Variants in COL11A1 observed in about 807,000 individuals in gnomAD.
The protein encoded by COL11A1 is collagen type XI alpha 1 chain, also known as collagen alpha-1(XI) chain.
In COL11A1, 74 loss-of-function variants were observed where a neutral mutation model predicts 265.2. That is an observed-to-expected ratio of 0.28 (90% CI 0.23 to 0.34). The LOEUF (loss-of-function observed/expected upper bound fraction) is 0.34. Among genes scored for constraint, COL11A1 ranks in the 10% least tolerant of loss-of-function variants. The pLI is 1.00. For missense variants in COL11A1, 2,165 were observed against 2,263.6 expected (o/e 0.96, Z 0.88); for synonymous variants, 816 against 727.6 (o/e 1.12, Z -1.96).
intron 5 of COL11A1, among the ~76,000 whole-genome samples, chr1:103,029,599 A>C (rs1667820693): frequency 6.6e-6 from 1 of 152,042 alleles, no homozygotes; most frequent in African/African-American, 2.4e-5. Flanking sequence ...AATCTAAAAA[A>C]AGGTAAAAAT....
At chr1:103,079,019 T>C (rs1431176357) in intron 2 of COL11A1, 148 bp from the exon 3 acceptor site, 11 of 640,390 alleles carry the variant, frequency 1.7e-5, no homozygotes, top group Non-Finnish European at 2.2e-5. Flanking sequence ...TAAATAGGGG[T>C]CCTCCATTAA....
chr1:103,054,482 A>C (rs1670072476), intron 4 of COL11A1, among the ~76,000 whole-genome samples: 2 of 152,116 alleles, frequency 1.3e-5, no homozygotes, highest in South Asian at 2.1e-4. Context: ...TATAAACCTG[A>C]GTCTTTTACA....
At chr1:102,989,969 C>T (rs1663966523) in intron 28 of COL11A1, among the ~76,000 whole-genome samples, 1 of 152,006 alleles carries the variant, frequency 6.6e-6, no homozygotes, top group Non-Finnish European at 1.5e-5. Context: ...GCAGATTATT[C>T]GAGCCCAGGA....
At chr1:102,889,032 A>G in intron 59 of COL11A1, 113 bp from the exon 60 acceptor site, 1 of 950,760 alleles carries the variant, frequency 1.1e-6, no homozygotes, top group East Asian at 2.4e-5. Context: ...TAGAGAATGC[A>G]AAAATATTTA....
chr1:102,970,058 T>TTACA (rs1661809283), intron 37 of COL11A1, among the ~76,000 whole-genome samples, 161 bp downstream of exon 37: 1 of 150,590 alleles, frequency 6.6e-6, no homozygotes, highest in African/African-American at 2.4e-5. Flanking sequence ...ATTTTTGTAT[T>TTACA]TATATATATA....
At chr1:103,096,958 C>G (rs1673823136) in intron 1 of COL11A1, among the ~76,000 whole-genome samples, 1 of 151,936 alleles carries the variant, frequency 6.6e-6, no homozygotes, top group Non-Finnish European at 1.5e-5. Flanking sequence ...TGGAAGTTTA[C>G]TTATATATTT....
At chr1:102,879,257 G>A (rs1257315264) in intron 66 of COL11A1, among the ~76,000 whole-genome samples, 3 of 151,956 alleles carry the variant, frequency 2.0e-5, no homozygotes, top group East Asian at 1.9e-4. Flanking sequence ...AAATTAACAA[G>A]CTTCTTATAA....
intron 31 of COL11A1, among the ~76,000 whole-genome samples, chr1:102,980,604 C>T (rs1029686646): frequency 1.3e-5 from 2 of 151,528 alleles, no homozygotes; most frequent in Non-Finnish European, 2.9e-5. Flanking sequence ...CAAACTTCCC[C>T]ATATATTAAG....
intron 34 of COL11A1, 22 bp downstream of exon 34, chr1:102,978,838 A>G (rs1662760140): frequency 6.2e-7 from 1 of 1,614,040 alleles, no homozygotes; most frequent in Non-Finnish European, 8.5e-7. Flanking sequence ...TAACATCCAA[A>G]CAGAAAAAGT....
At chr1:103,010,860 C>A (rs951330944) in intron 14 of COL11A1, among the ~76,000 whole-genome samples, 7 of 151,996 alleles carry the variant, frequency 4.6e-5, no homozygotes, top group Admixed American at 3.3e-4. Context: ...GCCACCACAC[C>A]CGGCGAATTT....
In COL11A1 at chr1:103,082,793, A is replaced by G. The variant is rs1672516083; in HGVS notation, c.274+12T>C. On this transcript the variant is annotated intron_variant, in intron 2 of 66. Coordinates refer to ENST00000370096, the MANE Select transcript of COL11A1 (RefSeq NM_001854.4). The stretch of plus-strand genomic sequence containing the variant: ...AGTAATAATAACAATAATAATAATA[A>G]AGTGAATATACCTGGAAATAACTGT... 1 of 1,605,442 alleles carries G rather than the reference A, an allele frequency of 6.2e-7. No homozygotes were observed.
chr1:102,915,633 C>T lies in COL11A1; in HGVS notation c.3814G>A (p.Gly1272Ser), dbSNP rs1396950266. 1.2e-6 allele frequency: 2 copies of T among 1,613,138 alleles called. No homozygotes were observed. Among genetic ancestry groups the T allele is most frequent in the Non-Finnish European group, 8.5e-7 (1 of 1,179,180 alleles). ...GTTAACAATAACACAGTACTTACGC[C>T]TACACCTGCTTCCCCAGGAGGCCCT... ...NPGPPGEAGV[G>S]GPKGERGEKG... Residue 1272 changes from glycine (G) to serine (S), a missense_variant and splice_region_variant, in exon 50 of 67, where the codon GGC becomes AGC. By Grantham distance (56) the Gly-to-Ser change is moderately conservative. Transcript: ENST00000370096.
intron 41 of COL11A1, among the ~76,000 whole-genome samples, chr1:102,954,823 G>A (rs1279993479): frequency 2.7e-5 from 4 of 147,056 alleles, no homozygotes; most frequent in Non-Finnish European, 6.0e-5. Context: ...CAGACTGGGC[G>A]ACAAGAGCGA....
chr1:102,902,254 A>G (rs1187182525), intron 54 of COL11A1, among the ~76,000 whole-genome samples: 1 of 152,146 alleles, frequency 6.6e-6, no homozygotes, highest in Non-Finnish European at 1.5e-5. Flanking sequence ...TCAGAATATT[A>G]GGGTGCATGA....
intron 57 of COL11A1, among the ~76,000 whole-genome samples, chr1:102,891,122 A>C (rs927179619): frequency 1.3e-5 from 2 of 152,064 alleles, no homozygotes; most frequent in African/African-American, 4.8e-5. Context: ...CAATTTTCTG[A>C]ATTCTGATCT....
chr1:102,891,964 C>G (rs1218141725), intron 57 of COL11A1, among the ~76,000 whole-genome samples: 1 of 152,052 alleles, frequency 6.6e-6, no homozygotes, highest in Non-Finnish European at 1.5e-5. Context: ...GAAGACAACA[C>G]AAAATACAGT....
chr1:102,888,967 T>C (rs753828617), intron 59 of COL11A1, 48 bp from the exon 60 acceptor site: 56 of 1,518,032 alleles, frequency 3.7e-5, no homozygotes, highest in Non-Finnish European at 4.9e-5. Flanking sequence ...AGCTATTTCA[T>C]TTTCATGTTT....
chr1:102,978,878 A>C lies in COL11A1; in HGVS notation c.2691T>G (p.Thr897=). ...GTGATACCTTTGGCCCAGGTTTCCC[A>C]GTGGGACCTCTTGCACCTCTTGAAC... ...PRGSRGARGP[T]GKPGPKGTSG... Residue 897 remains threonine, a synonymous_variant, in exon 34 of 67, where the codon ACT becomes ACG. Transcript: ENST00000370096. 2 of 1,614,198 alleles carry C rather than the reference A, an allele frequency of 1.2e-6. No homozygotes were observed. The highest frequency in any genetic ancestry group is 4.5e-5 in the East Asian group (2 of 44,868).
chr1:102,967,799 T>A (rs1661588991), intron 37 of COL11A1, among the ~76,000 whole-genome samples: 2 of 152,212 alleles, frequency 1.3e-5, no homozygotes, highest in Admixed American at 6.5e-5. Flanking sequence ...AAAAGTCTTA[T>A]AAAGCATTTT....
Sources: gnomAD v4.1 joint callset for allele counts (sites outside exome capture counted in the v4.1 genomes callset) on GRCh38, gnomAD v4.1.1 for gene constraint, MANE v1.5 for transcripts, NCBI Gene and HGNC (gene_info 2026-07-23, HGNC 2026-07-21) for gene names.